The following RAG1 variants were observed in gnomAD, a reference collection of about 807,000 sequenced individuals.
RAG1 encodes the protein V(D)J recombination-activating protein 1.
In RAG1, 35 loss-of-function variants were observed where a neutral mutation model predicts 62.7. The ratio of observed to expected loss-of-function variants is 0.56; its 90% CI spans 0.43 to 0.74. The LOEUF is 0.74. RAG1 is among the 30% of genes least tolerant of loss of function. The probability of loss-of-function intolerance (pLI) is 0.00; values close to 1 mark genes in which losing one functional copy is unlikely to be tolerated. For synonymous variants in RAG1, 461 were observed against 470.3 expected, an observed-to-expected ratio of 0.98 and a Z score of 0.26; for missense variants, 1,169 against 1,278.6, an observed-to-expected ratio of 0.91 and a Z score of 1.31.
At chr11:36,564,386 G>T (rs1850632438), upstream of RAG1, among the ~76,000 whole-genome samples, 1 of 152,168 alleles carries the variant, frequency 6.6e-6, no homozygotes, top group African/African-American at 2.4e-5. Context: ...GTAAGTGATG[G>T]TGGAAGAGGG....
chr11:36,551,601 C>CTTTTT (rs199642455), intron 3 of RAG1, among the ~76,000 whole-genome samples: 16 of 133,188 alleles, frequency 1.2e-4, no homozygotes, highest in East Asian at 2.2e-4. Flanking sequence ...TTAATTACTT[C>CTTTTT]TTTTTTTTTT....
At chr11:36,558,931 A>T (rs1427279763) in intron 3 of RAG1, among the ~76,000 whole-genome samples, 11 of 152,090 alleles carry the variant, frequency 7.2e-5, no homozygotes, top group South Asian at 2.1e-4. Context: ...TATCTGCTCT[A>T]CTAGTGGGTT....
chr11:36,534,838 AT>A (rs1256853393), intron 2 of RAG1, among the ~76,000 whole-genome samples: 2 of 152,102 alleles, frequency 1.3e-5, no homozygotes, highest in Admixed American at 6.5e-5. Flanking sequence ...AAACTTATAC[AT>A]TTAGGTCTAT....
At chr11:36,564,774 C>T (rs115073791), upstream of RAG1, among the ~76,000 whole-genome samples, 2,704 of 152,266 alleles carry the variant, frequency 0.018, 76 homozygotes, top group African/African-American at 0.062. Flanking sequence ...GTCTCTCCGC[C>T]GCCAGTGCAG....
intron 2 of RAG1, among the ~76,000 whole-genome samples, chr11:36,522,579 C>T (rs1479990929): frequency 6.6e-6 from 1 of 152,210 alleles, no homozygotes; most frequent in East Asian, 1.9e-4. Flanking sequence ...TCAGAGCCCC[C>T]ACATAGAGTT....
At chr11:36,540,545 C>T (rs935549110), downstream of RAG1, among the ~76,000 whole-genome samples, 1 of 152,156 alleles carries the variant, frequency 6.6e-6, no homozygotes, top group African/African-American at 2.4e-5. Flanking sequence ...GCTGGGACTA[C>T]AGGCGCCCGC....
In RAG1 at chr11:36,576,682, G is replaced by C; in HGVS notation, c.*246G>C. ...AGTTATCTGAAAGCTCAGTAACTCA[G>C]AACAGGAGTAACTGCAGGGGACCAG... On this transcript the variant is annotated 3_prime_UTR_variant, in exon 2 of 2. Transcript: ENST00000299440. The C allele has an allele frequency of 3.7e-6, 2 of 537,494 alleles. No homozygotes were observed. Among genetic ancestry groups the C allele is most frequent in the Non-Finnish European group, 6.9e-6 (2 of 289,704 alleles). 33.3% of individuals were successfully genotyped at this position (537,494 alleles called of 1,614,324 possible). A position where few individuals can be genotyped will look rare whatever the true frequency, so the allele number is the denominator to read the frequency against.
Position 36,578,482 on chromosome 11 carries a change from C to T in RAG1, c.*2046C>T, listed in dbSNP as rs1290759379. ...TAATAAACAGCTAAATTCACATAATCATCCTATTTACTGAAGCATGGTCAT... is the reference window on the plus strand; with the variant it reads ...TAATAAACAGCTAAATTCACATAATTATCCTATTTACTGAAGCATGGTCAT... On this transcript the variant is annotated 3_prime_UTR_variant, in exon 2 of 2. Transcript: ENST00000299440. The T allele has an allele frequency of 6.0e-6, 1 of 166,804 alleles. No homozygotes were observed. The highest frequency in any genetic ancestry group is 6.5e-5 in the Admixed American group (1 of 15,286). The allele number at this position is 166,804 out of a possible 1,614,324, so 10.3% of individuals were successfully genotyped here.
upstream of RAG1, among the ~76,000 whole-genome samples, chr11:36,566,254 T>C (rs1175477751): frequency 1.3e-5 from 2 of 152,052 alleles, no homozygotes; most frequent in Non-Finnish European, 2.9e-5. Context: ...TTGGAGGTTA[T>C]GGGCAACCAA....
intron 3 of RAG1, among the ~76,000 whole-genome samples, chr11:36,549,603 C>T (rs868676569): frequency 8.5e-5 from 13 of 152,188 alleles, no homozygotes; most frequent in Middle Eastern, 3.4e-3. Context: ...ATCATTAAAA[C>T]GTCAGGAAAC....
Position 36,574,490 on chromosome 11 carries a change from C to T in RAG1, c.1186C>T (p.Arg396Cys), listed in dbSNP as rs104894289. ...FVHINKGGRP[R>C]QHLLSLTRRA... Reference sequence around the variant, plus strand: ...GCACATTAATAAAGGGGGCCGGCCCCGCCAACATCTTCTGTCGCTGACTCG... The same window carrying T: ...GCACATTAATAAAGGGGGCCGGCCCTGCCAACATCTTCTGTCGCTGACTCG... The change falls in exon 2 of 2, where the codon CGC becomes TGC. Residue 396 changes from arginine to cysteine, a missense_variant. Physicochemically the swap from Arg to Cys is radical, Grantham distance 180. Coordinates refer to ENST00000299440, the MANE Select transcript of RAG1 (RefSeq NM_000448.3). The T allele has an allele frequency of 3.6e-5, 58 of 1,614,126 alleles. No homozygotes were observed. Among genetic ancestry groups the T allele is most frequent in the Non-Finnish European group, 4.8e-5 (57 of 1,180,060 alleles).
At position 36,574,107 on chromosome 11, in the gene RAG1, A is replaced by G. The variant is rs372245240; in HGVS notation, c.803A>G (p.Asn268Ser). The G allele has an allele frequency of 1.1e-5, 18 of 1,614,112 alleles. No homozygotes were observed. The highest frequency in any genetic ancestry group is 2.2e-5 in the South Asian group (2 of 91,096). The change falls in exon 2 of 2, where the codon AAC becomes AGC. Residue 268 changes from asparagine to serine, a missense_variant. This residue lies in a region of RAG1 where 369 missense variants were observed against 335.3 expected (regional missense o/e 1.10). Coordinates refer to ENST00000299440, the MANE Select transcript of RAG1 (RefSeq NM_000448.3). ...SSKDVMKKIANCSKIHLSTKL... is the reference protein window; with the variant it reads ...SSKDVMKKIASCSKIHLSTKL... ...AAGGATGTCATGAAGAAGATCGCCA[A>G]CTGCAGTAAGATACATCTTAGTACC...
At chr11:36,525,184 G>C (rs1434499265) in intron 2 of RAG1, among the ~76,000 whole-genome samples, 1 of 148,888 alleles carries the variant, frequency 6.7e-6, no homozygotes, top group East Asian at 1.9e-4. Context: ...AATTGTTTTT[G>C]CACCATTGTC....
Position 36,577,865 on chromosome 11 carries a change from T to C in RAG1, c.*1429T>C, listed in dbSNP as rs1850875908. The C allele has an allele frequency of 6.0e-6, 1 of 167,070 alleles. No homozygotes were observed. The highest frequency in any genetic ancestry group is 2.4e-5 in the African/African-American group (1 of 41,444). The allele number at this position is 167,070 out of a possible 1,614,324, so 10.3% of individuals were successfully genotyped here. ...ATCACTATAGCACATGACCTTGGGA[T>C]TACATTTTTATGGGGCAGGGGTAAG... On this transcript the variant is annotated 3_prime_UTR_variant, in exon 2 of 2. Coordinates refer to ENST00000299440, the MANE Select transcript of RAG1 (RefSeq NM_000448.3).
intron 2 of RAG1, among the ~76,000 whole-genome samples, chr11:36,522,746 C>T (rs1860101370): frequency 6.6e-6 from 1 of 152,224 alleles, no homozygotes; most frequent in Non-Finnish European, 1.5e-5. Flanking sequence ...CTGTACCCTG[C>T]AAAGCCACAG....
chr11:36,576,435 A>G lies in RAG1; in HGVS notation c.3131A>G (p.Ter1044=). ...SLESQDSMEF[*] ...GAAAGCCAAGATTCAATGGAATTTT[A>G]AGTAGGGCAACCACTTATGAGTTGG... The change falls in exon 2 of 2, where the codon TAA becomes TGA. Residue 1044 remains the stop codon, a stop_retained_variant. Coordinates refer to ENST00000299440, the MANE Select transcript of RAG1 (RefSeq NM_000448.3). 1 of 1,614,048 alleles carries G rather than the reference A, an allele frequency of 6.2e-7. No homozygotes were observed. Among genetic ancestry groups the G allele is most frequent in the Non-Finnish European group, 8.5e-7 (1 of 1,180,028 alleles).
At chr11:36,544,747 G>A (rs1440101771) in intron 3 of RAG1, among the ~76,000 whole-genome samples, 1 of 152,200 alleles carries the variant, frequency 6.6e-6, no homozygotes. Flanking sequence ...TGTGTCGAGG[G>A]AGGGACCCTG....
chr11:36,525,446 G>C (rs1000754981), intron 2 of RAG1, among the ~76,000 whole-genome samples: 2 of 151,992 alleles, frequency 1.3e-5, no homozygotes, highest in Non-Finnish European at 2.9e-5. Context: ...CAGTATTTTG[G>C]TAAGAATTGT....
At chr11:36,564,316 C>T (rs757400467), upstream of RAG1, among the ~76,000 whole-genome samples, 4 of 152,022 alleles carry the variant, frequency 2.6e-5, no homozygotes, top group Non-Finnish European at 5.9e-5. Context: ...ATTACTTTGA[C>T]CTTTTAAGCT....
Sources: allele counts gnomAD v4.1 joint callset (sites outside exome capture counted in the v4.1 genomes callset), GRCh38; gene constraint gnomAD v4.1.1; regional missense constraint gnomAD v4.1.1; transcripts MANE v1.5; gene names NCBI Gene and HGNC (gene_info 2026-07-23, HGNC 2026-07-21).